Variants in SCTR observed in about 807,000 individuals in gnomAD.
The protein encoded by SCTR is pancreatic secretin receptor.
Under a neutral mutation model 60.8 loss-of-function variants are expected in SCTR, and 56 were observed. The ratio of observed to expected loss-of-function variants is 0.92; its 90% confidence interval spans 0.74 to 1.15. The LOEUF is 1.15. Among genes scored for constraint, SCTR ranks in the 50% most tolerant of loss-of-function variants. The pLI is 0.00. For missense variants in SCTR, 562 were observed against 550.4 expected (o/e 1.02, Z -0.21); for synonymous variants, 202 against 217.0 (o/e 0.93, Z 0.61).
rs527777323 is a variant in SCTR, at chr2:119,499,146, T to TA, written c.73-4599dup. Among the ~76,000 whole-genome samples, 9 of 151,882 alleles carry TA rather than the reference T, an allele frequency of 5.9e-5. No homozygotes were observed. In the East Asian group the frequency reaches 1.5e-3, roughly 26 times the overall value. ...AACAGAAAGACACATTACATAATGA[T>TA]AAAAAAAGGCAAGCTATCAAAAAAT... On this transcript the variant is annotated intron_variant, in intron 1 of 12. Transcript: ENST00000019103.
chr2:119,487,784 C>T (rs764327379), intron 2 of SCTR, among the ~76,000 whole-genome samples: 2 of 152,162 alleles, frequency 1.3e-5, no homozygotes, highest in Admixed American at 6.5e-5. Flanking sequence ...ATAAGTGTGG[C>T]GGGCTCGGTG....
At chr2:119,458,659 T>C (rs1463625348) in intron 7 of SCTR, among the ~76,000 whole-genome samples, 1 of 152,176 alleles carries the variant, frequency 6.6e-6, no homozygotes, top group African/African-American at 2.4e-5. Flanking sequence ...AACATGGGTT[T>C]TGAGAGGCAC....
intron 1 of SCTR, 43 bp from the exon 2 acceptor site, chr2:119,494,591 C>T: frequency 6.2e-7 from 1 of 1,608,656 alleles, no homozygotes; most frequent in South Asian, 1.1e-5. Flanking sequence ...GCCACTAACT[C>T]AATTTTGCCA....
chr2:119,520,949 C>T lies in SCTR; in HGVS notation c.72+3206G>A, dbSNP rs552166144. 1.4e-3 allele frequency among the ~76,000 whole-genome samples: 216 copies of T among 152,302 alleles called. 1 individual carries two copies. The highest frequency in any genetic ancestry group is 2.2e-3 in the Non-Finnish European group (149 of 68,026). ...GGGGCGATTTTGCCCTTCCTACCCC[C>T]AGAAAAAATTTGGCAATGTCTAGAG... On this transcript the variant is annotated intron_variant, in intron 1 of 12. Coordinates refer to ENST00000019103, the MANE Select transcript of SCTR (RefSeq NM_002980.3).
intron 4 of SCTR, among the ~76,000 whole-genome samples, chr2:119,470,719 G>T (rs7593955): frequency 0.031 from 4,683 of 152,132 alleles, 225 homozygotes; most frequent in African/African-American, 0.11. Flanking sequence ...TCCTATTTTG[G>T]GGGCAGAGTC....
intron 10 of SCTR, 116 bp downstream of exon 10, chr2:119,448,573 C>A: frequency 3.0e-6 from 2 of 670,146 alleles, no homozygotes; most frequent in Admixed American, 2.3e-5. Flanking sequence ...AAACTTCTTA[C>A]GACTAGGTCT....
At position 119,465,804 on chromosome 2, in the gene SCTR, A is replaced by T. The variant is rs1305446804; in HGVS notation, c.488T>A (p.Ile163Asn). The change falls in exon 5 of 13, where the codon ATC becomes AAC. Residue 163 changes from isoleucine (I) to asparagine (N), a missense_variant. By Grantham distance (149) the Ile-to-Asn change is moderately radical. Coordinates refer to ENST00000019103, the MANE Select transcript of SCTR (RefSeq NM_002980.3). ...GTGTTCTCACCGGAAAGCACAGAGGATGCCAAGGGCGACCAGGAGCATGAC... is the reference window on the plus strand; with the variant it reads ...GTGTTCTCACCGGAAAGCACAGAGGTTGCCAAGGGCGACCAGGAGCATGAC... The part of the protein sequence containing the change: ...SLVMLLVALG[I>N]LCAFRRLHCT... The T allele has an allele frequency of 6.2e-7, 1 of 1,613,022 alleles. No individual in the cohort carries two copies. Among genetic ancestry groups the T allele is most frequent in the South Asian group, 1.1e-5 (1 of 91,058 alleles).
At chr2:119,507,963 C>A (rs576235937) in intron 1 of SCTR, among the ~76,000 whole-genome samples, 4 of 152,284 alleles carry the variant, frequency 2.6e-5, no homozygotes, top group Admixed American at 6.5e-5. Context: ...CTCACTCTTA[C>A]CACCCGTCTC....
At chr2:119,487,862 C>T (rs1039007518) in intron 2 of SCTR, among the ~76,000 whole-genome samples, 7 of 152,072 alleles carry the variant, frequency 4.6e-5, no homozygotes, top group African/African-American at 1.2e-4. Context: ...CCCCAGGGAG[C>T]TTAACCATTA....
intron 11 of SCTR, among the ~76,000 whole-genome samples, chr2:119,445,963 T>C (rs1287677399): frequency 6.6e-6 from 1 of 152,230 alleles, no homozygotes; most frequent in Non-Finnish European, 1.5e-5. Flanking sequence ...AAAGCGACAT[T>C]GCATTATTTT....
chr2:119,451,698 T>C (rs1558837935), intron 9 of SCTR, among the ~76,000 whole-genome samples: 1 of 152,114 alleles, frequency 6.6e-6, no homozygotes, highest in Non-Finnish European at 1.5e-5. Context: ...CCAGTGAAGG[T>C]GGAATTTCAG....
rs968916770 is a variant in SCTR, at chr2:119,478,852, A to G, written c.260T>C (p.Val87Ala). ...PSSVPGRMVE[V>A]ECPRFLRMLT... ...CATCCGGAGGAATCTCGGGCATTCC[A>G]CCTCCACCATCCGGCCCGGCACAGA... Residue 87 changes from valine (V) to alanine (A), a missense_variant, in exon 3 of 13, where the codon GTG becomes GCG. Physicochemically the swap from Val to Ala is moderately conservative, Grantham distance 64. Transcript: ENST00000019103. 6.2e-7 allele frequency: 1 copy of G among 1,613,824 alleles called. No homozygotes were observed.
chr2:119,501,658 T>G (rs1380399785), intron 1 of SCTR, among the ~76,000 whole-genome samples: 1 of 152,136 alleles, frequency 6.6e-6, no homozygotes, highest in African/African-American at 2.4e-5. Flanking sequence ...GATAAATGTT[T>G]GAGGAGATAA....
At chr2:119,522,790 C>G (rs543201617) in intron 1 of SCTR, among the ~76,000 whole-genome samples, 1 of 152,310 alleles carries the variant, frequency 6.6e-6, no homozygotes, top group East Asian at 1.9e-4. Flanking sequence ...CACCTTCTGG[C>G]TCTACCTGGC....
intron 1 of SCTR, among the ~76,000 whole-genome samples, chr2:119,507,673 T>TG (rs1678787207): frequency 1.5e-5 from 2 of 129,038 alleles, no homozygotes; most frequent in Non-Finnish European, 3.4e-5. Flanking sequence ...CTTTTTTTTT[T>TG]TTTTTTCTTT....
chr2:119,487,597 A>G (rs1015671393), intron 2 of SCTR, among the ~76,000 whole-genome samples: 2 of 152,176 alleles, frequency 1.3e-5, no homozygotes, highest in Non-Finnish European at 2.9e-5. Context: ...GGGGAGAGCC[A>G]TGGCCCTTCC....
At chr2:119,476,659 C>T (rs1009563174) in intron 3 of SCTR, 2 of 152,238 alleles carry the variant, frequency 1.3e-5, no homozygotes, top group African/African-American at 4.8e-5. Flanking sequence ...ACCAGCTCCG[C>T]CTATCCCCTC....
intron 1 of SCTR, among the ~76,000 whole-genome samples, chr2:119,498,267 G>A (rs1459631657): frequency 6.6e-6 from 1 of 152,084 alleles, no homozygotes; most frequent in Non-Finnish European, 1.5e-5. Context: ...CCTATACTCA[G>A]TAAAAATATC....
intron 3 of SCTR, chr2:119,476,334 C>A (rs79201203): frequency 0.12 from 17,800 of 152,232 alleles, 1,327 homozygotes; most frequent in South Asian, 0.27. Context: ...TGGGTATGAA[C>A]AACGTGGCCC....
Sources: allele counts gnomAD v4.1 joint callset (sites outside exome capture counted in the v4.1 genomes callset), GRCh38; gene constraint gnomAD v4.1.1; transcripts MANE v1.5; gene names NCBI Gene and HGNC (gene_info 2026-07-23, HGNC 2026-07-21).